The following FHIT variants were observed in gnomAD, a reference collection of about 807,000 sequenced individuals.
FHIT encodes the protein bis(5'-adenosyl)-triphosphatase.
Under a neutral mutation model 17.9 loss-of-function variants are expected in FHIT, and 19 were observed. The ratio of observed to expected loss-of-function variants is 1.06; its 90% CI spans 0.74 to 1.56. The LOEUF is 1.56. Ranked by LOEUF, FHIT falls within the 40% of genes most tolerant of loss-of-function variation. The pLI, the probability that FHIT is intolerant of heterozygous loss-of-function variation, is 0.00. For missense variants in FHIT, 248 were observed against 189.2 expected (o/e 1.31, Z -1.82); for synonymous variants, 81 against 69.7 (o/e 1.16, Z -0.81).
intron 3 of FHIT, among the ~76,000 whole-genome samples, chr3:60,829,180 G>C (rs1553741815): frequency 6.6e-6 from 1 of 152,136 alleles, no homozygotes; most frequent in Non-Finnish European, 1.5e-5. Flanking sequence ...CCATAGTAAA[G>C]ACAGATATGA....
chr3:61,006,454 T>C (rs1430077191), intron 3 of FHIT, among the ~76,000 whole-genome samples: 1 of 152,022 alleles, frequency 6.6e-6, no homozygotes, highest in Non-Finnish European at 1.5e-5. Flanking sequence ...GAATCCAAGG[T>C]GAGAAATATT....
chr3:61,045,450 A>G (rs1488625932), intron 2 of FHIT, among the ~76,000 whole-genome samples: 2 of 152,244 alleles, frequency 1.3e-5, no homozygotes, highest in Non-Finnish European at 2.9e-5. Flanking sequence ...TATCCTAAAT[A>G]TATATGCACC....
At chr3:60,411,090 A>G (rs1702043631) in intron 5 of FHIT, among the ~76,000 whole-genome samples, 1 of 152,140 alleles carries the variant, frequency 6.6e-6, no homozygotes, top group Non-Finnish European at 1.5e-5. Context: ...GGTATGTTAT[A>G]TATGTTAAAT....
At chr3:60,570,772 G>A (rs1559548620) in intron 4 of FHIT, among the ~76,000 whole-genome samples, 1 of 142,000 alleles carries the variant, frequency 7.0e-6, no homozygotes, top group Admixed American at 7.1e-5. Flanking sequence ...CAAGAGCCTA[G>A]CGCATGTTAT....
intron 5 of FHIT, among the ~76,000 whole-genome samples, chr3:60,241,721 A>T (rs1172504590): frequency 6.6e-6 from 1 of 152,114 alleles, no homozygotes; most frequent in African/African-American, 2.4e-5. Context: ...CTATTCCTAC[A>T]TATGAAGAGA....
chr3:60,046,742 G>C (rs1460150129), intron 5 of FHIT, among the ~76,000 whole-genome samples: 1 of 152,124 alleles, frequency 6.6e-6, no homozygotes, highest in Non-Finnish European at 1.5e-5. Context: ...GTAAACAGTG[G>C]GCTTGGTAGC....
At chr3:61,211,883 A>T (rs1362982098) in intron 1 of FHIT, among the ~76,000 whole-genome samples, 2 of 152,228 alleles carry the variant, frequency 1.3e-5, no homozygotes, top group African/African-American at 4.8e-5. Flanking sequence ...TGCTGCTGAT[A>T]CCCAGGCAAA....
At chr3:60,403,961 A>T (rs1223783208) in intron 5 of FHIT, among the ~76,000 whole-genome samples, 1 of 152,200 alleles carries the variant, frequency 6.6e-6, no homozygotes, top group Non-Finnish European at 1.5e-5. Context: ...GATTCTCTAA[A>T]AGGACAGAAC....
intron 5 of FHIT, among the ~76,000 whole-genome samples, chr3:60,178,363 G>C (rs964070085): frequency 2.6e-5 from 4 of 152,132 alleles, no homozygotes; most frequent in Admixed American, 6.5e-5. Flanking sequence ...GAGGCGGGCG[G>C]ATCACCTCAG....
chr3:61,116,639 A>G (rs896927952), intron 2 of FHIT, among the ~76,000 whole-genome samples: 11 of 152,158 alleles, frequency 7.2e-5, no homozygotes, highest in South Asian at 6.2e-4. Context: ...GGTACATAGT[A>G]TGAGAGAGGT....
chr3:60,490,472 A>G (rs2034017977), intron 5 of FHIT, among the ~76,000 whole-genome samples: 2 of 151,960 alleles, frequency 1.3e-5, no homozygotes, highest in Non-Finnish European at 2.9e-5. Flanking sequence ...AATTATCTCC[A>G]TTTTACAAAA....
intron 7 of FHIT, among the ~76,000 whole-genome samples, chr3:59,942,393 C>G (rs1162444281): frequency 6.6e-6 from 1 of 152,180 alleles, no homozygotes; most frequent in Non-Finnish European, 1.5e-5. Context: ...GAGCGCAGGT[C>G]TCATTTTCAC....
At chr3:60,377,543 G>A (rs369720453) in intron 5 of FHIT, among the ~76,000 whole-genome samples, 71 of 130,094 alleles carry the variant, frequency 5.5e-4, no homozygotes, top group African/African-American at 1.9e-3. Flanking sequence ...CTGCAGTGGC[G>A]CAATCTCGGC....
chr3:60,659,892 A>G (rs2107821880), intron 4 of FHIT, among the ~76,000 whole-genome samples: 1 of 152,292 alleles, frequency 6.6e-6, no homozygotes, highest in South Asian at 2.1e-4. Flanking sequence ...ATAATGTGAT[A>G]ACTGTGAAAA....
intron 2 of FHIT, among the ~76,000 whole-genome samples, chr3:61,199,430 T>A (rs1442219495): frequency 6.6e-6 from 1 of 152,212 alleles, no homozygotes; most frequent in African/African-American, 2.4e-5. Context: ...TATCTACTGC[T>A]TAAGATAGTA....
chr3:60,053,565 A>G (rs1701967811), intron 5 of FHIT, among the ~76,000 whole-genome samples: 1 of 151,978 alleles, frequency 6.6e-6, no homozygotes, highest in African/African-American at 2.4e-5. Context: ...GTTGGAAAGG[A>G]AAGGTCACAA....
chr3:60,689,493 C>G (rs1553699139), intron 4 of FHIT, among the ~76,000 whole-genome samples: 1 of 152,026 alleles, frequency 6.6e-6, no homozygotes, highest in Non-Finnish European at 1.5e-5. Flanking sequence ...CCATTTTATT[C>G]CAGGGACTTG....
intron 5 of FHIT, among the ~76,000 whole-genome samples, chr3:60,315,144 C>G (rs1709110078): frequency 1.3e-5 from 2 of 152,060 alleles, no homozygotes; most frequent in Non-Finnish European, 2.9e-5. Context: ...CTGAGTCATC[C>G]CAGCTGAGGC....
intron 5 of FHIT, among the ~76,000 whole-genome samples, chr3:60,417,631 T>C (rs1374732432): frequency 3.9e-5 from 6 of 152,132 alleles, no homozygotes. Context: ...TTCTCAATGA[T>C]CAGGAGGCAG....
Sources: allele counts gnomAD v4.1 joint callset (sites outside exome capture counted in the v4.1 genomes callset), GRCh38; gene constraint gnomAD v4.1.1; transcripts MANE v1.5; gene names NCBI Gene and HGNC (gene_info 2026-07-23, HGNC 2026-07-21).